ZFAND1: variants seen among roughly 807,000 people sequenced by gnomAD.
ZFAND1 encodes the protein zinc finger AN1-type containing 1.
ZFAND1 carries 40 observed loss-of-function variants against 38.5 expected under a neutral mutation model. The observed-to-expected ratio is 1.04, with a 90% CI of 0.81 to 1.35. The LOEUF (loss-of-function observed/expected upper bound fraction) is 1.35, where lower values mean the gene tolerates loss of function less well. Ranked by LOEUF, ZFAND1 falls within the 40% of genes most tolerant of loss-of-function variation. ZFAND1 has a pLI of 0.00. For missense variants in ZFAND1, 346 were observed against 316.3 expected, an observed-to-expected ratio of 1.09 and a Z score of -0.71; for synonymous variants, 117 against 103.6, an observed-to-expected ratio of 1.13 and a Z score of -0.78.
chr8:81,705,779 T>A (rs1807960535), intron 6 of ZFAND1, among the ~76,000 whole-genome samples: 1 of 152,038 alleles, frequency 6.6e-6, no homozygotes, highest in South Asian at 2.1e-4. Context: ...ATTAGCCAGG[T>A]GTGGGGGCAC....
At chr8:81,708,913 T>A in intron 6 of ZFAND1, 2 of 453,722 alleles carry the variant, frequency 4.4e-6, no homozygotes, top group Non-Finnish European at 6.7e-6. Flanking sequence ...AAACTATACT[T>A]AGTATAGGCA....
intron 3 of ZFAND1, among the ~76,000 whole-genome samples, chr8:81,716,545 T>TA (rs1269745753): frequency 2.0e-5 from 3 of 152,204 alleles, no homozygotes; most frequent in Non-Finnish European, 4.4e-5. Flanking sequence ...AATGATTTAC[T>TA]ACCACAGATC....
intron 6 of ZFAND1, among the ~76,000 whole-genome samples, chr8:81,711,424 A>T (rs1808138381): frequency 6.6e-6 from 1 of 152,118 alleles, no homozygotes; most frequent in Non-Finnish European, 1.5e-5. Context: ...AACAAAACAA[A>T]ACGAAAATAA....
rs777142730 is a variant in ZFAND1 at position 81,713,966 on chromosome 8, T to C, written c.432A>G (p.Ala144=). The change falls in exon 6 of 8, where the codon GCA becomes GCG. Residue 144 remains alanine (A), a synonymous_variant. Transcript: ENST00000220669. ...AKNSETAAKV[A]LMKLKMHADG... is the part of the protein sequence containing the mutation. ...CAGCATGCATCTTTAATTTCATCAATGCAACCTTTGCAGCTGTTTCACTAT... is the reference window on the plus strand; with the variant it reads ...CAGCATGCATCTTTAATTTCATCAACGCAACCTTTGCAGCTGTTTCACTAT... 3 of 1,613,024 alleles carry C rather than the reference T, an allele frequency of 1.9e-6. No homozygotes were observed. Among genetic ancestry groups the C allele is most frequent in the African/African-American group, 1.3e-5 (1 of 74,898 alleles).
intron 6 of ZFAND1, chr8:81,708,698 T>C (rs1808051413): frequency 1.0e-6 from 1 of 952,652 alleles, no homozygotes; most frequent in Non-Finnish European, 1.3e-6. Context: ...AGAATGCTAA[T>C]AGCTACTGGA....
chr8:81,709,480 T>C (rs1202277140), intron 6 of ZFAND1, among the ~76,000 whole-genome samples: 1 of 152,126 alleles, frequency 6.6e-6, no homozygotes, highest in Non-Finnish European at 1.5e-5. Flanking sequence ...ACCATTTTTA[T>C]AAAATAATGA....
chr8:81,701,556 TATCATCATTGTATTA>T lies in ZFAND1; in HGVS notation c.*1124_*1138del, dbSNP rs1331961831. On this transcript the variant is annotated 3_prime_UTR_variant, in exon 8 of 8. Coordinates refer to ENST00000220669, the MANE Select transcript of ZFAND1 (RefSeq NM_024699.3). Reference sequence around the variant, plus strand: ...TCCAAGGTATACCTGTATGTATACATATCATCATTGTATTAATCATGGCAATTAGGACAAATCCCT... The same window carrying T: ...TCCAAGGTATACCTGTATGTATACATATCATGGCAATTAGGACAAATCCCT... The T allele has an allele frequency of 6.6e-6, 1 of 152,194 alleles. No homozygotes were observed. The highest frequency in any genetic ancestry group is 1.5e-5 in the Non-Finnish European group (1 of 68,032). 9.4% of individuals were successfully genotyped at this position (152,194 alleles called of 1,614,324 possible). A position where few individuals can be genotyped will look rare whatever the true frequency, so the allele number is the denominator to read the frequency against.
chr8:81,705,907 G>A lies in ZFAND1; in HGVS notation c.481-2783C>T, dbSNP rs528971811. ...CACTCCAGCCTGGGTGACAGAGTGA[G>A]ACTCTGTCTCAAAACAAAAACAAAA... On this transcript the variant is annotated intron_variant, in intron 6 of 7. Transcript: ENST00000220669. Among the ~76,000 whole-genome samples, 10 of 152,264 alleles carry A rather than the reference G, an allele frequency of 6.6e-5. No homozygotes were observed. The South Asian group carries it at 2.1e-3, about 32-fold the overall frequency.
In ZFAND1 at chr8:81,701,886, G is replaced by A. The variant is rs549514331; in HGVS notation, c.*809C>T. The A allele has an allele frequency of 1.5e-4, 23 of 152,114 alleles. No individual in the cohort carries two copies. Among genetic ancestry groups the A allele is most frequent in the Non-Finnish European group, 2.4e-4 (16 of 68,022 alleles). 9.4% of individuals were successfully genotyped at this position (152,114 alleles called of 1,614,324 possible). ...TAGTAAACACTAGTCAAGAATACTCGTCTAAATATGTTGGTAAAATGTAGT... is the reference window on the plus strand; with the variant it reads ...TAGTAAACACTAGTCAAGAATACTCATCTAAATATGTTGGTAAAATGTAGT... On this transcript the variant is annotated 3_prime_UTR_variant, in exon 8 of 8. Coordinates refer to ENST00000220669, the MANE Select transcript of ZFAND1 (RefSeq NM_024699.3).
chr8:81,719,088 AT>A (rs1342486991), intron 1 of ZFAND1, among the ~76,000 whole-genome samples: 1 of 152,082 alleles, frequency 6.6e-6, no homozygotes, highest in African/African-American at 2.4e-5. Flanking sequence ...TGAGATATAT[AT>A]GAAAGATCAG....
At chr8:81,708,402 A>G (rs536559759) in intron 6 of ZFAND1, among the ~76,000 whole-genome samples, 9 of 152,304 alleles carry the variant, frequency 5.9e-5, no homozygotes, top group African/African-American at 2.2e-4. Flanking sequence ...AGTAATATCA[A>G]TACACTGATA....
chr8:81,706,269 C>T (rs887275619), intron 6 of ZFAND1, among the ~76,000 whole-genome samples: 5 of 136,022 alleles, frequency 3.7e-5, no homozygotes, highest in African/African-American at 1.4e-4. Flanking sequence ...AGGACATGTT[C>T]AAAAAAGACT....
intron 1 of ZFAND1, among the ~76,000 whole-genome samples, chr8:81,718,494 T>C (rs576537499): frequency 1.3e-5 from 2 of 152,124 alleles, no homozygotes; most frequent in African/African-American, 4.8e-5. Flanking sequence ...CTTTTTTGTT[T>C]TGTTTCCCAG....
At chr8:81,719,157 G>C (rs1041539002) in intron 1 of ZFAND1, among the ~76,000 whole-genome samples, 1 of 151,966 alleles carries the variant, frequency 6.6e-6, no homozygotes, top group Admixed American at 6.6e-5. Context: ...CTTCTTTTGA[G>C]TATACTCAAC....
chr8:81,714,086 T>G (rs889862934), intron 5 of ZFAND1, 47 bp from the exon 6 acceptor site: 1 of 1,504,210 alleles, frequency 6.6e-7, no homozygotes, highest in African/African-American at 1.4e-5. Context: ...ACATTACAAA[T>G]AGAATTTTAT....
intron 1 of ZFAND1, among the ~76,000 whole-genome samples, chr8:81,719,048 C>T (rs1462396552): frequency 6.6e-6 from 1 of 151,732 alleles, no homozygotes; most frequent in Non-Finnish European, 1.5e-5. Flanking sequence ...TATGCCACAC[C>T]GACCTCACAG....
At chr8:81,713,222 A>G (rs932601267) in intron 6 of ZFAND1, among the ~76,000 whole-genome samples, 1 of 152,042 alleles carries the variant, frequency 6.6e-6, no homozygotes, top group Non-Finnish European at 1.5e-5. Context: ...TCCCAGGTTC[A>G]TGCCATTCTC....
intron 6 of ZFAND1, among the ~76,000 whole-genome samples, chr8:81,713,372 C>G (rs778563881): frequency 2.0e-5 from 3 of 152,176 alleles, no homozygotes; most frequent in Non-Finnish European, 2.9e-5. Context: ...ATCCACCCAT[C>G]TTGGCCTCCC....
chr8:81,708,925 T>C, intron 6 of ZFAND1: 1 of 373,104 alleles, frequency 2.7e-6, no homozygotes, highest in Non-Finnish European at 4.2e-6. Flanking sequence ...GTATAGGCAA[T>C]CCGTCAATGA....
Sources: allele counts gnomAD v4.1 joint callset (sites outside exome capture counted in the v4.1 genomes callset), GRCh38; gene constraint gnomAD v4.1.1; transcripts MANE v1.5; gene names NCBI Gene and HGNC (gene_info 2026-07-23, HGNC 2026-07-21).